RPS6KA5: variants seen among roughly 807,000 people sequenced by gnomAD.
RPS6KA5 encodes ribosomal protein S6 kinase alpha-5.
A neutral mutation model predicts 85.5 loss-of-function variants in RPS6KA5; 27 were observed. That is an observed-to-expected ratio of 0.32 (90% CI 0.23 to 0.44). The LOEUF (loss-of-function observed/expected upper bound fraction) is 0.44. Ranked by LOEUF, RPS6KA5 falls within the 20% of genes least tolerant of loss-of-function variation. The probability of loss-of-function intolerance (pLI) is 1.00; values close to 1 mark genes in which losing one functional copy is unlikely to be tolerated. For missense variants in RPS6KA5, 811 were observed against 980.9 expected (o/e 0.83, Z 2.31); for synonymous variants, 334 against 348.2 (o/e 0.96, Z 0.46).
chr14:91,012,947 T>G (rs1005198988), intron 1 of RPS6KA5, among the ~76,000 whole-genome samples: 2 of 152,128 alleles, frequency 1.3e-5, no homozygotes, highest in Non-Finnish European at 2.9e-5. Flanking sequence ...TGACTTGTTT[T>G]CTCTCTCCTC....
intron 1 of RPS6KA5, among the ~76,000 whole-genome samples, chr14:91,048,988 G>A (rs925178350): frequency 6.6e-6 from 1 of 152,176 alleles, no homozygotes; most frequent in African/African-American, 2.4e-5. Flanking sequence ...CCTTGCTTTG[G>A]AGCAGAGGTT....
chr14:90,951,135 A>AG (rs1555367274), intron 3 of RPS6KA5, among the ~76,000 whole-genome samples: 32 of 146,538 alleles, frequency 2.2e-4, no homozygotes, highest in East Asian at 6.3e-4. Context: ...AAAAAAAAAA[A>AG]AGAGAGAGAG....
intron 9 of RPS6KA5, among the ~76,000 whole-genome samples, chr14:90,902,336 T>A (rs928516637): frequency 6.6e-6 from 1 of 151,694 alleles, no homozygotes; most frequent in African/African-American, 2.4e-5. Context: ...AATAGAAAAA[T>A]TAGCTGGGTG....
chr14:90,983,527 G>A (rs1455398690), intron 2 of RPS6KA5, among the ~76,000 whole-genome samples: 1 of 151,826 alleles, frequency 6.6e-6, no homozygotes, highest in East Asian at 2.0e-4. Flanking sequence ...TGGAACCCAG[G>A]AGGCAGAAGT....
At chr14:91,014,659 A>C (rs1415365413) in intron 1 of RPS6KA5, among the ~76,000 whole-genome samples, 2 of 152,140 alleles carry the variant, frequency 1.3e-5, no homozygotes, top group African/African-American at 4.8e-5. Flanking sequence ...GCTTATTTCT[A>C]AATAGCGATA....
At chr14:90,993,167 C>T (rs991715889) in intron 2 of RPS6KA5, among the ~76,000 whole-genome samples, 6 of 152,006 alleles carry the variant, frequency 3.9e-5, no homozygotes, top group African/African-American at 1.2e-4. Context: ...GTTGGCTGGG[C>T]GTGGTGGCTC....
intron 16 of RPS6KA5, among the ~76,000 whole-genome samples, chr14:90,873,049 C>T (rs1246535240): frequency 2.6e-5 from 4 of 151,808 alleles, no homozygotes; most frequent in Non-Finnish European, 4.4e-5. Context: ...TATACCTTCT[C>T]CTTTCTCAAA....
At chr14:91,001,191 G>C in intron 1 of RPS6KA5, 32 bp from the exon 2 acceptor site, 1 of 1,441,098 alleles carries the variant, frequency 6.9e-7, no homozygotes, top group Non-Finnish European at 9.6e-7. Flanking sequence ...AAAAAAACAA[G>C]AGGGTCAGCA....
At chr14:91,011,315 G>A (rs566891828) in intron 1 of RPS6KA5, among the ~76,000 whole-genome samples, 45 of 151,974 alleles carry the variant, frequency 3.0e-4, no homozygotes, top group Non-Finnish European at 5.6e-4. Context: ...GTGAAACCCC[G>A]TCTCTACTAA....
At chr14:90,934,525 T>C (rs2037161791) in intron 5 of RPS6KA5, among the ~76,000 whole-genome samples, 1 of 152,182 alleles carries the variant, frequency 6.6e-6, no homozygotes, top group African/African-American at 2.4e-5. Flanking sequence ...AATATAGTTA[T>C]CAAGTAAATT....
chr14:90,956,206 C>T (rs1254567773), intron 3 of RPS6KA5, among the ~76,000 whole-genome samples: 4 of 152,138 alleles, frequency 2.6e-5, no homozygotes, highest in African/African-American at 9.6e-5. Flanking sequence ...AACCAATTCC[C>T]TGCAGATAAT....
intron 12 of RPS6KA5, 46 bp downstream of exon 12, chr14:90,899,283 A>G: frequency 7.8e-7 from 1 of 1,280,504 alleles, no homozygotes; most frequent in Non-Finnish European, 1.1e-6. Flanking sequence ...CAACCCTGTA[A>G]GTGAATTAGT....
chr14:90,895,075 CACTT>C (rs1284770618), intron 12 of RPS6KA5, among the ~76,000 whole-genome samples: 2 of 151,914 alleles, frequency 1.3e-5, no homozygotes, highest in African/African-American at 4.8e-5. Flanking sequence ...AATGTGAAGT[CACTT>C]GCTTTAAATA....
rs982226266 is a variant in RPS6KA5 at position 90,915,818 on chromosome 14, T to A, written c.806+4388A>T. Among the ~76,000 whole-genome samples, 7 of 150,186 alleles carry A rather than the reference T, an allele frequency of 4.7e-5. No individual in the cohort carries two copies. The East Asian group carries it at 5.8e-4, about 12-fold the overall frequency. On this transcript the variant is annotated intron_variant, in intron 7 of 16. Coordinates refer to ENST00000614987, the MANE Select transcript of RPS6KA5 (RefSeq NM_004755.4). ...AGACTCTGTCTCAACATTAAAAAAA[T>A]AAATAAATAAATAAAATAAATTTAT...
At chr14:90,925,941 C>CAAAAAAAAAAAAAAAAAAAAAAAAAAAAA (rs71117389) in intron 5 of RPS6KA5, among the ~76,000 whole-genome samples, 5 of 73,526 alleles carry the variant, frequency 6.8e-5, no homozygotes, top group Non-Finnish European at 9.9e-5. Context: ...GACCCTGACT[C>CAAAAAAAAAAAAAAAAAAAAAAAAAAAAA]AAAAAAAAAA....
intron 9 of RPS6KA5, 102 bp downstream of exon 9, chr14:90,902,706 C>T (rs1258956284): frequency 3.8e-6 from 4 of 1,059,834 alleles, no homozygotes; most frequent in Non-Finnish European, 4.0e-6. Context: ...TTAGAGAATC[C>T]CATTTTTATG....
rs1022073694 is a variant in RPS6KA5 at position 90,869,837 on chromosome 14, C to T, written c.*2237G>A. The stretch of plus-strand genomic sequence containing the variant: ...GTAGGGTGTAGATAAAGATATTTGA[C>T]AAGAGTGCAACAGTGTTTGTTAAGG... On this transcript the variant is annotated 3_prime_UTR_variant, in exon 17 of 17. Coordinates refer to ENST00000614987, the MANE Select transcript of RPS6KA5 (RefSeq NM_004755.4). The T allele has an allele frequency of 6.6e-6, 1 of 152,086 alleles. No individual in the cohort carries two copies. Among genetic ancestry groups the T allele is most frequent in the Non-Finnish European group, 1.5e-5 (1 of 68,008 alleles). The allele number at this position is 152,086 out of a possible 1,614,324, so 9.4% of individuals were successfully genotyped here.
chr14:91,020,300 G>C (rs1455717816), intron 1 of RPS6KA5, among the ~76,000 whole-genome samples: 3 of 151,864 alleles, frequency 2.0e-5, no homozygotes, highest in Non-Finnish European at 4.4e-5. Context: ...TTCAAAAAAA[G>C]TGATGAAACA....
At position 90,871,901 on chromosome 14, in the gene RPS6KA5, T is replaced by C; in HGVS notation, c.*173A>G. 1.3e-6 allele frequency: 1 copy of C among 753,072 alleles called. No homozygotes were observed. Among genetic ancestry groups the C allele is most frequent in the Non-Finnish European group, 2.1e-6 (1 of 467,146 alleles). The allele number at this position is 753,072 out of a possible 1,614,324, so 46.6% of individuals were successfully genotyped here. A position where few individuals can be genotyped will look rare whatever the true frequency, so the allele number is the denominator to read the frequency against. The stretch of plus-strand genomic sequence containing the variant: ...ATGTGCTCTATTCACAGTAACATTC[T>C]CTGTCCAGTGCTTTTGAATGAGGAT... On this transcript the variant is annotated 3_prime_UTR_variant, in exon 17 of 17. Transcript: ENST00000614987.
Sources: gnomAD v4.1 joint callset for allele counts (sites outside exome capture counted in the v4.1 genomes callset) on GRCh38, gnomAD v4.1.1 for gene constraint, MANE v1.5 for transcripts, NCBI Gene and HGNC (gene_info 2026-07-23, HGNC 2026-07-21) for gene names.